BMPR1B: variants seen among roughly 807,000 people sequenced by gnomAD.
BMPR1B encodes the protein bone morphogenetic protein receptor type 1B.
BMPR1B carries 12 observed loss-of-function variants against 59.1 expected under a neutral mutation model. The ratio of observed to expected loss-of-function variants is 0.20; its 90% CI spans 0.13 to 0.33. The LOEUF (loss-of-function observed/expected upper bound fraction) is 0.33, where lower values mean the gene tolerates loss of function less well. BMPR1B is among the 10% of genes least tolerant of loss of function. BMPR1B has a pLI of 1.00. For synonymous variants in BMPR1B, 237 were observed against 207.3 expected, an observed-to-expected ratio of 1.14 and a Z score of -1.23; for missense variants, 550 against 610.9, an observed-to-expected ratio of 0.90 and a Z score of 1.05.
chr4:94,783,021 T>A (rs1046777485), intron 1 of BMPR1B, among the ~76,000 whole-genome samples: 2 of 152,200 alleles, frequency 1.3e-5, no homozygotes, highest in African/African-American at 4.8e-5. Context: ...TCTTTGATAT[T>A]ACCTCTCTAA....
At chr4:95,121,006 C>G (rs1052336674) in intron 6 of BMPR1B, among the ~76,000 whole-genome samples, 7 of 152,106 alleles carry the variant, frequency 4.6e-5, no homozygotes, top group African/African-American at 1.7e-4. Context: ...CGGGGTTTTG[C>G]CATGTTGGCC....
At chr4:94,921,690 A>G (rs1728694796) in intron 2 of BMPR1B, among the ~76,000 whole-genome samples, 1 of 152,150 alleles carries the variant, frequency 6.6e-6, no homozygotes, top group East Asian at 1.9e-4. Context: ...CCCCATCTCC[A>G]ATATTAGGCA....
intron 3 of BMPR1B, among the ~76,000 whole-genome samples, chr4:95,061,322 A>G (rs995465163): frequency 3.3e-5 from 5 of 152,148 alleles, no homozygotes; most frequent in African/African-American, 9.7e-5. Flanking sequence ...TCCATAATCC[A>G]TGTCATGCAT....
chr4:94,971,654 T>C (rs1475307755), intron 2 of BMPR1B, among the ~76,000 whole-genome samples: 1 of 151,910 alleles, frequency 6.6e-6, no homozygotes, highest in African/African-American at 2.4e-5. Flanking sequence ...TACTAGAATA[T>C]TTAAGATTTT....
chr4:94,864,014 C>T (rs1053757995), intron 1 of BMPR1B, among the ~76,000 whole-genome samples: 7 of 152,212 alleles, frequency 4.6e-5, no homozygotes, highest in African/African-American at 1.7e-4. Flanking sequence ...TGGAAGATTC[C>T]AATAGACATG....
chr4:94,812,622 C>A (rs1424801868), intron 1 of BMPR1B, among the ~76,000 whole-genome samples: 2 of 152,016 alleles, frequency 1.3e-5, no homozygotes, highest in Non-Finnish European at 2.9e-5. Flanking sequence ...AGAAAGATAA[C>A]CCTGTTAGCC....
At chr4:94,812,248 G>A (rs1481744124) in intron 1 of BMPR1B, among the ~76,000 whole-genome samples, 2 of 152,152 alleles carry the variant, frequency 1.3e-5, no homozygotes, top group African/African-American at 4.8e-5. Context: ...AGGAGCAACA[G>A]CCTAGTATGT....
chr4:95,073,915 G>A (rs540900661), intron 3 of BMPR1B, among the ~76,000 whole-genome samples: 14 of 152,142 alleles, frequency 9.2e-5, no homozygotes, highest in Non-Finnish European at 1.9e-4. Context: ...TAAGACCAAA[G>A]CAGAATGTGG....
At chr4:94,945,434 C>T (rs1166698472) in intron 2 of BMPR1B, among the ~76,000 whole-genome samples, 1 of 152,094 alleles carries the variant, frequency 6.6e-6, no homozygotes, top group Non-Finnish European at 1.5e-5. Context: ...AATATATCTA[C>T]TTCTTTTTTG....
intron 1 of BMPR1B, among the ~76,000 whole-genome samples, chr4:94,786,287 GGCATGTT>G (rs1373657254): frequency 1.3e-5 from 2 of 152,058 alleles, no homozygotes; most frequent in Non-Finnish European, 2.9e-5. Context: ...GAGCTTCTTT[GGCATGTT>G]ATTGAGAAAG....
chr4:94,813,689 G>C (rs1723904766), intron 1 of BMPR1B, among the ~76,000 whole-genome samples: 1 of 152,150 alleles, frequency 6.6e-6, no homozygotes, highest in Non-Finnish European at 1.5e-5. Flanking sequence ...AGAGTAGTCT[G>C]CAGTGGTCCC....
chr4:95,006,379 A>AG (rs2149116641), intron 3 of BMPR1B, among the ~76,000 whole-genome samples: 1 of 151,306 alleles, frequency 6.6e-6, no homozygotes, highest in South Asian at 2.1e-4. Flanking sequence ...TCCATCTCAA[A>AG]AAAAAAAAAA....
At chr4:94,832,482 G>A (rs1269565273) in intron 1 of BMPR1B, among the ~76,000 whole-genome samples, 1 of 152,138 alleles carries the variant, frequency 6.6e-6, no homozygotes, top group Non-Finnish European at 1.5e-5. Context: ...TTGGTCTCAT[G>A]TAGAAAGGTA....
chr4:95,038,939 T>C (rs1397276878), intron 3 of BMPR1B, among the ~76,000 whole-genome samples: 6 of 152,208 alleles, frequency 3.9e-5, no homozygotes, highest in Non-Finnish European at 8.8e-5. Context: ...TCATTTGGCA[T>C]AAACCTTAGG....
chr4:94,970,573 A>G (rs530146806), intron 2 of BMPR1B, among the ~76,000 whole-genome samples: 12 of 152,262 alleles, frequency 7.9e-5, no homozygotes, highest in Non-Finnish European at 7.3e-5. Flanking sequence ...TTGGCCTCCC[A>G]AAGTACTGGG....
chr4:95,096,976 T>C (rs1420992678), intron 3 of BMPR1B, among the ~76,000 whole-genome samples: 1 of 144,470 alleles, frequency 6.9e-6, no homozygotes, highest in Non-Finnish European at 1.5e-5. Flanking sequence ...TATATATAGT[T>C]ATATAGTTTA....
At chr4:94,835,649 A>C (rs1054764724) in intron 1 of BMPR1B, among the ~76,000 whole-genome samples, 3 of 117,740 alleles carry the variant, frequency 2.5e-5, no homozygotes, top group Non-Finnish European at 3.9e-5. Flanking sequence ...AATATTTATT[A>C]AGTATAAGTT....
intron 2 of BMPR1B, among the ~76,000 whole-genome samples, chr4:94,981,730 AATTG>A (rs965405334): frequency 2.2e-4 from 33 of 152,218 alleles, no homozygotes; most frequent in African/African-American, 7.7e-4. Context: ...CTATGTGTTT[AATTG>A]AACAATAGAA....
chr4:94,934,313 C>G (rs1729204156), intron 2 of BMPR1B, among the ~76,000 whole-genome samples: 1 of 151,918 alleles, frequency 6.6e-6, no homozygotes, highest in Admixed American at 6.6e-5. Flanking sequence ...GATAAGAAAC[C>G]ATTTATTTTT....
Sources: allele counts gnomAD v4.1 joint callset (sites outside exome capture counted in the v4.1 genomes callset), GRCh38; gene constraint gnomAD v4.1.1; transcripts MANE v1.5; gene names NCBI Gene and HGNC (gene_info 2026-07-23, HGNC 2026-07-21).